The following CDH4 variants were observed in gnomAD, a reference collection of about 807,000 sequenced individuals.
CDH4 encodes the protein cadherin-4.
In CDH4, 33 loss-of-function variants were observed where a neutral mutation model predicts 86.0. The ratio of observed to expected loss-of-function variants is 0.38; its 90% CI spans 0.29 to 0.51. CDH4 has a LOEUF of 0.51. CDH4 is among the 20% of genes least tolerant of loss of function. The pLI is 0.86. For synonymous variants in CDH4, 555 were observed against 549.4 expected (o/e 1.01, Z -0.14); for missense variants, 1,114 against 1,307.4 (o/e 0.85, Z 2.28).
At position 61,844,715 on chromosome 20, in the gene CDH4, G is replaced by C; in HGVS notation, c.624G>C (p.Thr208=). 9 of 1,613,970 alleles carry C rather than the reference G, an allele frequency of 5.6e-6. No homozygotes were observed. Among genetic ancestry groups the C allele is most frequent in the Non-Finnish European group, 7.6e-6 (9 of 1,179,882 alleles). Reference sequence around the variant, plus strand: ...ACATCCCCATCCGGTACAGCATCACGGGAGTGGGCGCCGACCAGCCCCCCA... The same window carrying C: ...ACATCCCCATCCGGTACAGCATCACCGGAGTGGGCGCCGACCAGCCCCCCA... ...DNDIPIRYSI[T]GVGADQPPME... The change falls in exon 5 of 16, where the codon ACG becomes ACC. Residue 208 remains threonine (T), a synonymous_variant. Transcript: ENST00000614565.
chr20:61,258,304 T>G (rs1461341254), intron 2 of CDH4, among the ~76,000 whole-genome samples: 1 of 85,100 alleles, frequency 1.2e-5, no homozygotes, highest in Non-Finnish European at 2.1e-5. Context: ...CACTCCAGCC[T>G]GGGCAAAAGA....
At chr20:61,409,150 C>G (rs1233380097) in intron 2 of CDH4, among the ~76,000 whole-genome samples, 1 of 152,316 alleles carries the variant, frequency 6.6e-6, no homozygotes, top group East Asian at 1.9e-4. Flanking sequence ...GTGGTGGGGA[C>G]AGCTCTCACA....
intron 3 of CDH4, among the ~76,000 whole-genome samples, chr20:61,766,188 A>C (rs1600964928): frequency 6.9e-6 from 1 of 143,974 alleles, no homozygotes; most frequent in Admixed American, 6.9e-5. Flanking sequence ...TCCCCTCCCT[A>C]CCCCACCCTC....
rs572537124 is a variant in CDH4 at position 61,317,591 on chromosome 20, T to C, written c.169+62654T>C. ...ACAGGCATGGGGGGCTGGATGAGTC[T>C]GTGGTGGGGCGTCCTGTGCACTGTA... On this transcript the variant is annotated intron_variant, in intron 2 of 15. Transcript: ENST00000614565. Among the ~76,000 whole-genome samples, 3 of 152,260 alleles carry C rather than the reference T, an allele frequency of 2.0e-5. No homozygotes were observed. The East Asian group carries it at 5.8e-4, about 29-fold the overall frequency.
intron 8 of CDH4, among the ~76,000 whole-genome samples, chr20:61,909,196 A>T (rs1201274030): frequency 6.6e-6 from 1 of 152,172 alleles, no homozygotes; most frequent in Non-Finnish European, 1.5e-5. Context: ...CTGCCTGCAG[A>T]TGTGCACAGC....
intron 2 of CDH4, among the ~76,000 whole-genome samples, chr20:61,600,371 T>C (rs1049364533): frequency 2.6e-5 from 4 of 152,174 alleles, no homozygotes; most frequent in African/African-American, 9.7e-5. Context: ...GGCACAGGCA[T>C]GTTGTGATTG....
chr20:61,839,826 G>A (rs556612592), intron 4 of CDH4, among the ~76,000 whole-genome samples: 1 of 151,844 alleles, frequency 6.6e-6, no homozygotes, highest in Admixed American at 6.6e-5. Flanking sequence ...TGTGTTGTGT[G>A]TCTGTGTGTA....
intron 8 of CDH4, among the ~76,000 whole-genome samples, chr20:61,895,929 G>A (rs938500768): frequency 3.3e-5 from 5 of 152,182 alleles, no homozygotes; most frequent in South Asian, 2.1e-4. Flanking sequence ...TAGAAAGGTC[G>A]AAGGCACCAG....
At chr20:61,857,614 G>A (rs1480125195) in intron 6 of CDH4, among the ~76,000 whole-genome samples, 1 of 152,268 alleles carries the variant, frequency 6.6e-6, no homozygotes. Context: ...CCCAAGCTTC[G>A]CCACTTTCGT....
In CDH4 at chr20:61,811,053, C is replaced by G. The variant is rs181176091; in HGVS notation, c.577-33615C>G. Reference sequence around the variant, plus strand: ...TGCAAAACTAATGGCGCGGTGCTGACTGCCGCATCCTCAGCAGCCGCGCCA... The same window carrying G: ...TGCAAAACTAATGGCGCGGTGCTGAGTGCCGCATCCTCAGCAGCCGCGCCA... On this transcript the variant is annotated intron_variant, in intron 4 of 15. Transcript: ENST00000614565. This position sits in a 1 kb window ranked among gnomAD's most constrained non-coding sequence, Gnocchi z 4.4. 1.0e-3 allele frequency among the ~76,000 whole-genome samples: 152 copies of G among 152,360 alleles called. 1 individual carries two copies. The highest frequency in any genetic ancestry group is 3.1e-3 in the African/African-American group (129 of 41,586).
intron 2 of CDH4, among the ~76,000 whole-genome samples, chr20:61,672,367 C>T (rs2087400073): frequency 6.6e-6 from 1 of 152,068 alleles, no homozygotes; most frequent in African/African-American, 2.4e-5. Context: ...GATTGTGTGC[C>T]AGGTGCTGTC....
chr20:61,777,084 G>C (rs527497182), intron 4 of CDH4, among the ~76,000 whole-genome samples: 37 of 152,304 alleles, frequency 2.4e-4, no homozygotes, highest in African/African-American at 8.9e-4. Context: ...CCTCTGCCCT[G>C]CTTCAGTTCG....
chr20:61,661,987 G>A (rs2087262523), intron 2 of CDH4, among the ~76,000 whole-genome samples: 1 of 152,064 alleles, frequency 6.6e-6, no homozygotes, highest in Non-Finnish European at 1.5e-5. Context: ...ATTCTTCCAG[G>A]GTACATGTTT....
intron 2 of CDH4, among the ~76,000 whole-genome samples, chr20:61,339,665 G>T (rs1309029449): frequency 1.3e-5 from 2 of 152,186 alleles, no homozygotes; most frequent in African/African-American, 4.8e-5. Flanking sequence ...AAGGGACTTT[G>T]TGGTAGGTTA....
At chr20:61,897,909 C>G (rs1014354122) in intron 8 of CDH4, among the ~76,000 whole-genome samples, 1 of 152,184 alleles carries the variant, frequency 6.6e-6, no homozygotes, top group Non-Finnish European at 1.5e-5. Flanking sequence ...TAACACAGTC[C>G]GGGAGAGGAT....
intron 2 of CDH4, among the ~76,000 whole-genome samples, chr20:61,569,709 G>A (rs777562849): frequency 1.3e-5 from 2 of 151,708 alleles, no homozygotes; most frequent in African/African-American, 4.8e-5. Context: ...GCGACCTCCC[G>A]CTAATCAAGA....
chr20:61,782,919 A>C (rs1978624892), intron 4 of CDH4, among the ~76,000 whole-genome samples: 1 of 152,166 alleles, frequency 6.6e-6, no homozygotes, highest in African/African-American at 2.4e-5. Context: ...CCCCATCTCT[A>C]CTAAAAATAC....
intron 2 of CDH4, among the ~76,000 whole-genome samples, chr20:61,677,779 T>TGAC (rs2145853606): frequency 1.6e-5 from 2 of 122,288 alleles, no homozygotes; most frequent in African/African-American, 6.2e-5. Context: ...AGATAGATGA[T>TGAC]GAATGGATAG....
intron 6 of CDH4, among the ~76,000 whole-genome samples, chr20:61,858,351 GTC>G (rs1457997452): frequency 6.6e-5 from 10 of 151,190 alleles, no homozygotes; most frequent in Admixed American, 2.0e-4. Context: ...CTGCGTATGT[GTC>G]TCTCTGTGCG....
Sources: allele counts gnomAD v4.1 joint callset (sites outside exome capture counted in the v4.1 genomes callset), GRCh38; gene constraint gnomAD v4.1.1; non-coding constraint Gnocchi (gnomAD v3.1); transcripts MANE v1.5; gene names NCBI Gene and HGNC (gene_info 2026-07-23, HGNC 2026-07-21).